The following CERT1 variants were observed in gnomAD, a reference collection of about 807,000 sequenced individuals.
CERT1 encodes the protein ceramide transfer protein.
Under a neutral mutation model 87.9 loss-of-function variants are expected in CERT1, and 31 were observed. The observed-to-expected ratio is 0.35, with a 90% CI of 0.27 to 0.48. The LOEUF (loss-of-function observed/expected upper bound fraction) is 0.48, where lower values mean the gene tolerates loss of function less well. Among genes scored for constraint, CERT1 ranks in the 20% least tolerant of loss-of-function variants. The pLI is 0.99. For missense variants in CERT1, 487 were observed against 758.0 expected (o/e 0.64, Z 4.20); for synonymous variants, 289 against 250.9 (o/e 1.15, Z -1.44).
At chr5:75,451,482 T>G (rs1764767320) in intron 3 of CERT1, among the ~76,000 whole-genome samples, 1 of 152,192 alleles carries the variant, frequency 6.6e-6, no homozygotes, top group Non-Finnish European at 1.5e-5. Flanking sequence ...TGCAAATAGG[T>G]AAATGGAGAC....
intron 4 of CERT1, among the ~76,000 whole-genome samples, chr5:75,426,156 T>C (rs1054583698): frequency 1.1e-4 from 17 of 152,254 alleles, no homozygotes; most frequent in Non-Finnish European, 2.2e-4. Flanking sequence ...TTTTATATTT[T>C]ACCTCATTAA....
chr5:75,405,730 T>G (rs1762675660), intron 8 of CERT1, among the ~76,000 whole-genome samples: 1 of 152,216 alleles, frequency 6.6e-6, no homozygotes, highest in African/African-American at 2.4e-5. Flanking sequence ...AACTTTTTAC[T>G]ATAATACAGT....
At chr5:75,435,019 C>T (rs1348225535) in intron 3 of CERT1, among the ~76,000 whole-genome samples, 1 of 152,074 alleles carries the variant, frequency 6.6e-6, no homozygotes, top group Non-Finnish European at 1.5e-5. Flanking sequence ...ATCCTGCTGG[C>T]TTTGGGGTTG....
intron 2 of CERT1, among the ~76,000 whole-genome samples, chr5:75,463,544 T>C (rs1765328400): frequency 6.6e-6 from 1 of 152,090 alleles, no homozygotes; most frequent in Non-Finnish European, 1.5e-5. Flanking sequence ...AATAACCTTA[T>C]AGGAACAAAA....
intron 3 of CERT1, among the ~76,000 whole-genome samples, chr5:75,436,008 G>A (rs934030734): frequency 6.6e-6 from 1 of 152,106 alleles, no homozygotes; most frequent in Non-Finnish European, 1.5e-5. Context: ...TGCCAGCTGG[G>A]GCAGCGGCAG....
chr5:75,402,587 TG>T (rs1433545530), intron 9 of CERT1: 1 of 158,232 alleles, frequency 6.3e-6, no homozygotes, highest in East Asian at 1.8e-4. Flanking sequence ...TCATGAGCTC[TG>T]GAGTTCGAGA....
chr5:75,437,769 A>T (rs78670803), intron 3 of CERT1, among the ~76,000 whole-genome samples: 8 of 102,952 alleles, frequency 7.8e-5, no homozygotes, highest in South Asian at 8.5e-4. Context: ...CTGTCTCATT[A>T]AAAAAAAAAA....
intron 15 of CERT1, among the ~76,000 whole-genome samples, 199 bp downstream of exon 15, chr5:75,381,749 CT>C (rs1761595851): frequency 6.6e-6 from 1 of 152,088 alleles, no homozygotes; most frequent in Non-Finnish European, 1.5e-5. Flanking sequence ...GTAAACGGCC[CT>C]GGTGGAATGT....
intron 12 of CERT1, among the ~76,000 whole-genome samples, chr5:75,387,453 C>G (rs1761839594): frequency 6.6e-6 from 1 of 151,866 alleles, no homozygotes; most frequent in South Asian, 2.1e-4. Flanking sequence ...TAAAATTACA[C>G]TTTTCAGGCC....
Position 75,411,069 on chromosome 5 carries a change from T to C in CERT1, c.872A>G (p.Tyr291Cys), listed in dbSNP as rs1762917131. ...CTTAAGTTCTGTCATTGCATTTTTA[T>C]ATGCTTCCTCTGTTCTTCTTTTCTT... is the stretch of plus-strand genomic sequence containing the variant. ...TEKKRRTEEA[Y>C]KNAMTELKKK... Residue 291 changes from tyrosine (Y) to cysteine (C), a missense_variant, in exon 8 of 17, where the codon TAT becomes TGT. By Grantham distance (194) the Tyr-to-Cys change is radical. Transcript: ENST00000643780. 1 of 1,594,664 alleles carries C rather than the reference T, an allele frequency of 6.3e-7. No homozygotes were observed. The highest frequency in any genetic ancestry group is 8.6e-7 in the Non-Finnish European group (1 of 1,168,762).
intron 12 of CERT1, among the ~76,000 whole-genome samples, chr5:75,388,030 G>A (rs1363863066): frequency 6.6e-6 from 1 of 152,158 alleles, no homozygotes; most frequent in Non-Finnish European, 1.5e-5. Flanking sequence ...GACTACAGAA[G>A]AAGAAATAAG....
chr5:75,490,139 T>C (rs1374112544), intron 2 of CERT1, among the ~76,000 whole-genome samples: 1 of 151,810 alleles, frequency 6.6e-6, no homozygotes, highest in Non-Finnish European at 1.5e-5. Context: ...AAGTGGGAGG[T>C]AAACAATGAG....
chr5:75,405,016 AAACAACAACAAC>A (rs61610976), intron 8 of CERT1, among the ~76,000 whole-genome samples: 5 of 151,740 alleles, frequency 3.3e-5, no homozygotes, highest in African/African-American at 7.3e-5. Flanking sequence ...ACTCAGTCTC[AAACAACAACAAC>A]AACAACAACA....
chr5:75,407,900 TA>T (rs78971933), intron 8 of CERT1, among the ~76,000 whole-genome samples: 6,606 of 136,314 alleles, frequency 0.048, 252 homozygotes, highest in African/African-American at 0.11. Flanking sequence ...TTTATTATGG[TA>T]AAAAAAAAAA....
intron 3 of CERT1, among the ~76,000 whole-genome samples, 163 bp downstream of exon 3, chr5:75,458,902 A>C (rs968831779): frequency 1.3e-5 from 2 of 152,228 alleles, no homozygotes; most frequent in Non-Finnish European, 2.9e-5. Context: ...TGTTAAAAAT[A>C]AAAATTATTT....
intron 2 of CERT1, among the ~76,000 whole-genome samples, chr5:75,495,563 CA>C (rs200532309): frequency 5.3e-4 from 75 of 141,734 alleles, no homozygotes; most frequent in Admixed American, 7.0e-4. Context: ...ATCTCACTTA[CA>C]AAAAAAAAAA....
At chr5:75,423,101 A>G (rs1364029209) in intron 5 of CERT1, among the ~76,000 whole-genome samples, 4 of 152,234 alleles carry the variant, frequency 2.6e-5, no homozygotes, top group Non-Finnish European at 4.4e-5. Context: ...CTATTTATTT[A>G]AACATGTAGC....
At chr5:75,475,681 G>A (rs1765923208) in intron 2 of CERT1, among the ~76,000 whole-genome samples, 2 of 151,546 alleles carry the variant, frequency 1.3e-5, no homozygotes, top group South Asian at 4.2e-4. Context: ...CCTGCTTGGG[G>A]GCTTAATATT....
chr5:75,386,187 TAACA>T, intron 12 of CERT1, 153 bp from the exon 13 acceptor site: 1 of 539,072 alleles, frequency 1.9e-6, no homozygotes, highest in Non-Finnish European at 2.8e-6. Flanking sequence ...AATTTCAAAT[TAACA>T]GACAAAAAAG....
Sources: gnomAD v4.1 joint callset for allele counts (sites outside exome capture counted in the v4.1 genomes callset) on GRCh38, gnomAD v4.1.1 for gene constraint, MANE v1.5 for transcripts, NCBI Gene and HGNC (gene_info 2026-07-23, HGNC 2026-07-21) for gene names.